DNM3: variants seen among roughly 807,000 people sequenced by gnomAD.
The protein encoded by DNM3 is dynamin 3, also known as dynamin-3.
Under a neutral mutation model 101.6 loss-of-function variants are expected in DNM3, and 47 were observed. The ratio of observed to expected loss-of-function variants is 0.46; its 90% CI spans 0.37 to 0.59. The LOEUF (loss-of-function observed/expected upper bound fraction) is 0.59, where lower values mean the gene tolerates loss of function less well. Among genes scored for constraint, DNM3 ranks in the 20% least tolerant of loss-of-function variants. The probability of loss-of-function intolerance (pLI) is 0.00; values close to 1 mark genes in which losing one functional copy is unlikely to be tolerated. For missense variants in DNM3, 849 were observed against 1,085.7 expected (o/e 0.78, Z 3.06); for synonymous variants, 385 against 387.9 (o/e 0.99, Z 0.09).
chr1:172,281,872 T>C (rs12097994), intron 15 of DNM3, among the ~76,000 whole-genome samples: 1,866 of 152,298 alleles, frequency 0.012, 36 homozygotes, highest in African/African-American at 0.042. Context: ...ATTGAATACT[T>C]GTATCAAAAT....
intron 14 of DNM3, among the ~76,000 whole-genome samples, chr1:172,202,251 G>C (rs1291798408): frequency 6.6e-6 from 1 of 152,056 alleles, no homozygotes; most frequent in East Asian, 1.9e-4. Flanking sequence ...TGTTCCTTCT[G>C]TTTTTATTTA....
intron 10 of DNM3, among the ~76,000 whole-genome samples, chr1:172,066,684 A>G (rs1365680478): frequency 1.3e-5 from 2 of 152,204 alleles, no homozygotes; most frequent in East Asian, 3.8e-4. Context: ...ACCACATTAT[A>G]TATTTAGTAG....
chr1:172,074,719 A>G (rs1327951859), intron 11 of DNM3, among the ~76,000 whole-genome samples: 3 of 152,140 alleles, frequency 2.0e-5, no homozygotes, highest in Non-Finnish European at 4.4e-5. Flanking sequence ...TGTATCATTG[A>G]TGGCATTTTG....
chr1:171,945,985 T>C (rs1160311621), intron 2 of DNM3, among the ~76,000 whole-genome samples: 2 of 152,134 alleles, frequency 1.3e-5, no homozygotes, highest in East Asian at 1.9e-4. Context: ...AGTGAGAATG[T>C]AGGAGTGTGG....
intron 16 of DNM3, among the ~76,000 whole-genome samples, chr1:172,320,606 G>A (rs1374178510): frequency 6.6e-6 from 1 of 152,040 alleles, no homozygotes; most frequent in Non-Finnish European, 1.5e-5. Flanking sequence ...TAAAATCATT[G>A]TGTCCATGAA....
At chr1:172,048,588 G>C (rs781743880) in intron 9 of DNM3, 24 bp from the exon 10 acceptor site, 1 of 1,582,924 alleles carries the variant, frequency 6.3e-7, no homozygotes, top group Non-Finnish European at 8.6e-7. Flanking sequence ...AAATCTCATG[G>C]GCTGCTTGCT....
At chr1:172,181,513 C>T (rs2059345821) in intron 14 of DNM3, among the ~76,000 whole-genome samples, 1 of 151,898 alleles carries the variant, frequency 6.6e-6, no homozygotes, top group Non-Finnish European at 1.5e-5. Context: ...AACGTCAATG[C>T]CTGATATTAA....
intron 13 of DNM3, among the ~76,000 whole-genome samples, chr1:172,097,674 G>C (rs185771833): frequency 6.6e-6 from 1 of 152,298 alleles, no homozygotes; most frequent in African/African-American, 2.4e-5. Flanking sequence ...AAGAAGTGAT[G>C]AGAGAGGTAG....
intron 4 of DNM3, among the ~76,000 whole-genome samples, chr1:172,007,412 C>T (rs1313475241): frequency 6.6e-6 from 1 of 152,102 alleles, no homozygotes; most frequent in Non-Finnish European, 1.5e-5. Context: ...CAGTTCACGT[C>T]CTTATAGGCC....
At chr1:172,091,866 G>A (rs2053932563) in intron 12 of DNM3, among the ~76,000 whole-genome samples, 1 of 152,192 alleles carries the variant, frequency 6.6e-6, no homozygotes, top group Admixed American at 6.5e-5. Flanking sequence ...CAGTAATCCA[G>A]ATGAGGGATG....
chr1:172,296,715 T>A (rs998226883), intron 15 of DNM3, among the ~76,000 whole-genome samples: 7 of 152,258 alleles, frequency 4.6e-5, no homozygotes, highest in Non-Finnish European at 8.8e-5. Context: ...TTTAAAAAAA[T>A]TCATTTCTAT....
At chr1:172,328,099 T>G (rs1398608042) in intron 17 of DNM3, among the ~76,000 whole-genome samples, 1 of 152,238 alleles carries the variant, frequency 6.6e-6, no homozygotes, top group East Asian at 1.9e-4. Context: ...GATCTGCTGC[T>G]GCTTAGAAAG....
chr1:172,014,856 T>C (rs925300563), intron 4 of DNM3, among the ~76,000 whole-genome samples: 19 of 152,088 alleles, frequency 1.2e-4, no homozygotes, highest in African/African-American at 4.6e-4. Context: ...GTCTAGAAAG[T>C]TATTGCTGTA....
chr1:172,413,357 A>G (rs1056658675), downstream of DNM3, among the ~76,000 whole-genome samples: 25 of 152,154 alleles, frequency 1.6e-4, no homozygotes, highest in African/African-American at 4.6e-4. Context: ...CTCCTGAGGA[A>G]CTGGGACTAC....
intron 1 of DNM3, among the ~76,000 whole-genome samples, chr1:171,912,859 T>C (rs2039418929): frequency 6.6e-6 from 1 of 152,238 alleles, no homozygotes; most frequent in African/African-American, 2.4e-5. Context: ...ACCAGTGATC[T>C]TTTTACTAGT....
chr1:172,410,107 A>G lies in DNM3; in HGVS notation c.*2266A>G, dbSNP rs2071123718. 6.1e-6 allele frequency: 6 copies of G among 985,264 alleles called. No homozygotes were observed. Among genetic ancestry groups the G allele is most frequent in the Non-Finnish European group, 7.2e-6 (6 of 829,820 alleles). The allele number at this position is 985,264 out of a possible 1,614,324, so 61.0% of individuals were successfully genotyped here. A position where few individuals can be genotyped will look rare whatever the true frequency, so the allele number is the denominator to read the frequency against. On this transcript the variant is annotated 3_prime_UTR_variant, in exon 21 of 21. Coordinates refer to ENST00000627582, the MANE Select transcript of DNM3 (RefSeq NM_015569.5). ...GTTCTTTACTCCTAAGTTATTTCTC[A>G]TAGAACCCAGCCTACTCTAGAATTT...
intron 1 of DNM3, among the ~76,000 whole-genome samples, chr1:171,921,177 G>T (rs749894412): frequency 1.3e-5 from 2 of 151,406 alleles, no homozygotes; most frequent in Non-Finnish European, 2.9e-5. Flanking sequence ...TGAACTCCTG[G>T]ACTCAAGCAA....
intron 15 of DNM3, among the ~76,000 whole-genome samples, chr1:172,296,374 A>G (rs1182115322): frequency 6.6e-6 from 1 of 152,224 alleles, no homozygotes; most frequent in Non-Finnish European, 1.5e-5. Context: ...CAAAGGCCAA[A>G]TGGTCTGTAG....
chr1:171,958,331 C>T (rs1183554698), intron 2 of DNM3, among the ~76,000 whole-genome samples: 1 of 152,078 alleles, frequency 6.6e-6, no homozygotes, highest in Non-Finnish European at 1.5e-5. Flanking sequence ...TGCAGCCAAA[C>T]CATATCACAG....
Sources: gnomAD v4.1 joint callset for allele counts (sites outside exome capture counted in the v4.1 genomes callset) on GRCh38, gnomAD v4.1.1 for gene constraint, MANE v1.5 for transcripts, NCBI Gene and HGNC (gene_info 2026-07-23, HGNC 2026-07-21) for gene names.